The following SLC27A2 variants were observed in gnomAD, a reference collection of about 807,000 sequenced individuals.
The protein encoded by SLC27A2 is long-chain fatty acid transport protein 2.
A neutral mutation model predicts 60.0 loss-of-function variants in SLC27A2; 54 were observed. The ratio of observed to expected loss-of-function variants is 0.90; its 90% CI spans 0.72 to 1.13. SLC27A2 has a LOEUF of 1.13. SLC27A2 is among the 50% of genes most tolerant of loss of function. SLC27A2 has a pLI of 0.00. For missense variants in SLC27A2, 739 were observed against 777.6 expected, an observed-to-expected ratio of 0.95 and a Z score of 0.59; for synonymous variants, 297 against 297.6, an observed-to-expected ratio of 1.00 and a Z score of 0.02.
At chr15:50,200,409 C>T (rs2045054817) in intron 2 of SLC27A2, among the ~76,000 whole-genome samples, 1 of 118,492 alleles carries the variant, frequency 8.4e-6, no homozygotes, top group South Asian at 3.2e-4. Context: ...GAGTGAAAGC[C>T]TATCTCAAAA....
intron 4 of SLC27A2, among the ~76,000 whole-genome samples, chr15:50,219,683 T>C (rs2045229490): frequency 6.6e-6 from 1 of 152,152 alleles, no homozygotes; most frequent in Admixed American, 6.5e-5. Context: ...TTTTATTAGC[T>C]ATCACCTTTC....
At chr15:50,182,956 G>T in intron 1 of SLC27A2, 51 bp downstream of exon 1, 2 of 1,534,956 alleles carry the variant, frequency 1.3e-6, no homozygotes, top group South Asian at 2.5e-5. Context: ...TCGGCGCCTT[G>T]ACTGACGAGC....
intron 4 of SLC27A2, among the ~76,000 whole-genome samples, chr15:50,216,610 GTATA>G (rs59683706): frequency 0.057 from 3,727 of 65,488 alleles, 121 homozygotes; most frequent in Admixed American, 0.072. Flanking sequence ...GTGTGTGTGT[GTATA>G]TATATATATA....
At chr15:50,202,345 A>G in intron 2 of SLC27A2, 142 bp from the exon 3 acceptor site, 5 of 735,886 alleles carry the variant, frequency 6.8e-6, no homozygotes, top group Admixed American at 2.7e-5. Flanking sequence ...ACATTTGTCA[A>G]CTCCTGGACT....
At chr15:50,205,817 A>G (rs1567431546) in intron 4 of SLC27A2, among the ~76,000 whole-genome samples, 1 of 152,150 alleles carries the variant, frequency 6.6e-6, no homozygotes, top group Non-Finnish European at 1.5e-5. Flanking sequence ...TGGCTGTAAT[A>G]TCTTTGATGG....
At chr15:50,218,999 T>C (rs1375849711) in intron 4 of SLC27A2, among the ~76,000 whole-genome samples, 1 of 152,128 alleles carries the variant, frequency 6.6e-6, no homozygotes, top group East Asian at 1.9e-4. Flanking sequence ...ATGAAGCAAA[T>C]TGGAAGAAAG....
At chr15:50,194,810 A>C (rs555944673) in intron 1 of SLC27A2, among the ~76,000 whole-genome samples, 1 of 152,262 alleles carries the variant, frequency 6.6e-6, no homozygotes, top group South Asian at 2.1e-4. Context: ...TAAAAAATGT[A>C]AAGGAGGGGA....
In SLC27A2 at chr15:50,192,693, C is replaced by T. The variant is rs532774939; in HGVS notation, c.479-4807C>T. On this transcript the variant is annotated intron_variant, in intron 1 of 9. Transcript: ENST00000267842. ...CAGAGTAGCTGGGACTACAGGTGTG[C>T]GCCACCACATCCGGCTAATATTTCT... is the stretch of plus-strand genomic sequence containing the variant. Among the ~76,000 whole-genome samples the T allele has an allele frequency of 4.0e-5, 6 of 150,716 alleles. No homozygotes were observed. The South Asian group carries it at 6.3e-4, about 16-fold the overall frequency.
intron 4 of SLC27A2, among the ~76,000 whole-genome samples, chr15:50,213,983 G>GAAAC (rs201246895): frequency 2.9e-5 from 4 of 136,024 alleles, no homozygotes; most frequent in Non-Finnish European, 6.4e-5. Context: ...AAATGAAATT[G>GAAAC]AAACAAACAA....
chr15:50,204,577 C>CA lies in SLC27A2; in HGVS notation c.848-656dup, dbSNP rs532139713. Among the ~76,000 whole-genome samples the CA allele has an allele frequency of 5.3e-3, 806 of 151,666 alleles. 5 individuals are homozygous for CA. The highest frequency in any genetic ancestry group is 0.019 in the African/African-American group (772 of 41,332). On this transcript the variant is annotated intron_variant, in intron 3 of 9. Coordinates refer to ENST00000267842, the MANE Select transcript of SLC27A2 (RefSeq NM_003645.4). Reference sequence around the variant, plus strand: ...TGAAACCCCTTCTCTACTAAAAATACAAAAAATTTGCCAGGTGTGGTGGCA... The same window carrying CA: ...TGAAACCCCTTCTCTACTAAAAATACAAAAAAATTTGCCAGGTGTGGTGGCA...
rs371661152 is a variant in SLC27A2 at position 50,193,036 on chromosome 15, A to G, written c.479-4464A>G. On this transcript the variant is annotated intron_variant, in intron 1 of 9. Transcript: ENST00000267842. Reference sequence around the variant, plus strand: ...TCTCCCTACCTCTTCTCCCAACCTTATTCCCCTCCAACTCTACATTCCAGT... The same window carrying G: ...TCTCCCTACCTCTTCTCCCAACCTTGTTCCCCTCCAACTCTACATTCCAGT... Among the ~76,000 whole-genome samples the G allele has an allele frequency of 3.9e-5, 6 of 152,068 alleles. 2 individuals carry two copies. Among genetic ancestry groups the G allele is most frequent in the Admixed American group, 1.3e-4 (2 of 15,262 alleles).
chr15:50,232,359 C>T (rs1478384730), intron 8 of SLC27A2, among the ~76,000 whole-genome samples: 2 of 152,214 alleles, frequency 1.3e-5, no homozygotes, highest in African/African-American at 4.8e-5. Flanking sequence ...CACTATGGAA[C>T]ACTTGAAATG....
chr15:50,230,149 G>A (rs8036826), intron 8 of SLC27A2, among the ~76,000 whole-genome samples: 21,851 of 149,112 alleles, frequency 0.15, 1,638 homozygotes, highest in Middle Eastern at 0.19. Context: ...CAGGAGAATC[G>A]CTTGAACCAG....
At chr15:50,197,439 C>A (rs1595682538) in intron 1 of SLC27A2, 61 bp from the exon 2 acceptor site, 18 of 1,252,242 alleles carry the variant, frequency 1.4e-5, no homozygotes, top group East Asian at 7.1e-5. Context: ...CTTGTTGAAG[C>A]ACTAATAGAA....
At chr15:50,212,061 ACT>A (rs1367810754) in intron 4 of SLC27A2, among the ~76,000 whole-genome samples, 3 of 128,096 alleles carry the variant, frequency 2.3e-5, no homozygotes, top group South Asian at 5.1e-4. Context: ...ACAGAGTGAG[ACT>A]CTGTCTCAAA....
intron 4 of SLC27A2, among the ~76,000 whole-genome samples, chr15:50,214,876 T>A (rs2045183558): frequency 6.6e-6 from 1 of 152,096 alleles, no homozygotes; most frequent in African/African-American, 2.4e-5. Flanking sequence ...TGGGGAAAAG[T>A]TGAAAGCATT....
intron 4 of SLC27A2, among the ~76,000 whole-genome samples, chr15:50,217,537 G>A (rs1468855579): frequency 6.6e-6 from 1 of 152,088 alleles, no homozygotes; most frequent in African/African-American, 2.4e-5. Flanking sequence ...TAATTCTTAG[G>A]AAGAACTAAA....
In SLC27A2 at chr15:50,220,670, G is replaced by A. The variant is rs140041992; in HGVS notation, c.973-2295G>A. Among the ~76,000 whole-genome samples, 1,405 of 152,284 alleles carry A rather than the reference G, an allele frequency of 9.2e-3. 13 individuals are homozygous for A. The highest frequency in any genetic ancestry group is 0.031 in the Middle Eastern group (9 of 294). ...TTATCCTTGGGGCGGCAGTGGGAGG[G>A]GGTGGTCTCTGAATACTGACAGTCC... On this transcript the variant is annotated intron_variant, in intron 4 of 9. Transcript: ENST00000267842.
rs747812682 is a variant in SLC27A2, at chr15:50,182,906, G to C, written c.478+1G>C. On this transcript the variant is annotated splice_donor_variant, in intron 1 of 9. Coordinates refer to ENST00000267842, the MANE Select transcript of SLC27A2 (RefSeq NM_003645.4). LOFTEE classifies it high-confidence loss of function. ...GCGAAGGTGCTGCTGGTGTCGCCAG[G>C]TGAGCCCCGAGGATCGCCCTGCCCT... 6.2e-7 allele frequency: 1 copy of C among 1,600,846 alleles called. No individual in the cohort carries two copies. The highest frequency in any genetic ancestry group is 1.1e-5 in the South Asian group (1 of 90,030).
Sources: allele counts gnomAD v4.1 joint callset (sites outside exome capture counted in the v4.1 genomes callset), GRCh38; gene constraint gnomAD v4.1.1; transcripts MANE v1.5; gene names NCBI Gene and HGNC (gene_info 2026-07-23, HGNC 2026-07-21).